SELENOK: variants seen among roughly 807,000 people sequenced by gnomAD.
SELENOK encodes the protein selenoprotein K.
SELENOK carries 11 observed loss-of-function variants against 17.3 expected under a neutral mutation model. The observed-to-expected ratio is 0.63, with a 90% CI of 0.40 to 1.05. The LOEUF (loss-of-function observed/expected upper bound fraction) is 1.05, where lower values mean the gene tolerates loss of function less well. Among genes scored for constraint, SELENOK ranks in the 50% least tolerant of loss-of-function variants. SELENOK has a pLI of 0.00. For missense variants in SELENOK, 125 were observed against 113.9 expected (o/e 1.10, Z -0.44); for synonymous variants, 45 against 35.4 (o/e 1.27, Z -0.97).
intron 2 of SELENOK, among the ~76,000 whole-genome samples, chr3:53,887,322 G>C (rs1001312325): frequency 6.6e-6 from 1 of 152,200 alleles, no homozygotes; most frequent in African/African-American, 2.4e-5. Context: ...CAAAGGCACA[G>C]GGCTTCTGGG....
rs538621896 is a variant in SELENOK at position 53,885,524 on chromosome 3, G to A, written c.*34C>T. The A allele has an allele frequency of 4.6e-5, 73 of 1,602,876 alleles. 1 individual carries two copies. The South Asian group carries it at 5.9e-4, about 13-fold the overall frequency. ...GATGGTTTCCTTCTGCTATGAATGC[G>A]CATGTCCGGTTGTCTGCTTCTTAGA... On this transcript the variant is annotated 3_prime_UTR_variant, in exon 5 of 5. Coordinates refer to ENST00000495461, the MANE Select transcript of SELENOK (RefSeq NM_021237.5).
Position 53,886,947 on chromosome 3 carries a change from G to A in SELENOK, c.111-13C>T, listed in dbSNP as rs565032648. ...CAGAGTTTTGAAACTGAAACAAGGG[G>A]CAGAAAACAACAAAGGTATCACTTT... On this transcript the variant is annotated splice_polypyrimidine_tract_variant and intron_variant, in intron 2 of 4. Coordinates refer to ENST00000495461, the MANE Select transcript of SELENOK (RefSeq NM_021237.5). The A allele has an allele frequency of 3.9e-6, 6 of 1,530,992 alleles. No homozygotes were observed. In the South Asian group the frequency reaches 5.0e-5, roughly 13 times the overall value. The allele number at this position is 1,530,992 out of a possible 1,614,324, so 94.8% of individuals were successfully genotyped here.
chr3:53,889,271 T>C (rs1358441607), intron 1 of SELENOK, among the ~76,000 whole-genome samples: 1 of 152,164 alleles, frequency 6.6e-6, no homozygotes, highest in Non-Finnish European at 1.5e-5. Flanking sequence ...CTGATTCCCA[T>C]TACCTTCTCC....
At position 53,885,779 on chromosome 3, in the gene SELENOK, T is replaced by G. The variant is rs753811635; in HGVS notation, c.281+47A>C. The G allele has an allele frequency of 2.1e-6, 3 of 1,440,030 alleles. No homozygotes were observed. The African/African-American group carries it at 4.2e-5, about 20-fold the overall frequency. 89.2% of individuals were successfully genotyped at this position (1,440,030 alleles called of 1,614,324 possible). ...CTTAAAGAAAACATTACTACAGAAGTGTTTTCAAAACAAAATCCTACAAAA... is the reference window on the plus strand; with the variant it reads ...CTTAAAGAAAACATTACTACAGAAGGGTTTTCAAAACAAAATCCTACAAAA... On this transcript the variant is annotated intron_variant, in intron 4 of 4. Coordinates refer to ENST00000495461, the MANE Select transcript of SELENOK (RefSeq NM_021237.5).
At chr3:53,890,478 C>A (rs924194546) in intron 1 of SELENOK, among the ~76,000 whole-genome samples, 1 of 152,184 alleles carries the variant, frequency 6.6e-6, no homozygotes, top group African/African-American at 2.4e-5. Context: ...TGTTTGAATG[C>A]AGTTGTGTTT....
intron 2 of SELENOK, 122 bp from the exon 3 acceptor site, chr3:53,887,056 A>C: frequency 2.8e-6 from 2 of 708,148 alleles, no homozygotes; most frequent in Non-Finnish European, 2.3e-6. Context: ...CTCCTAACCC[A>C]CATTTCTTGC....
intron 1 of SELENOK, among the ~76,000 whole-genome samples, chr3:53,888,806 C>T (rs2107090882): frequency 6.6e-6 from 1 of 152,282 alleles, no homozygotes; most frequent in African/African-American, 2.4e-5. Context: ...CCTGTAATCC[C>T]AGCACTTTGG....
At position 53,886,835 on chromosome 3, in the gene SELENOK, A is replaced by C; in HGVS notation, c.194+16T>G. On this transcript the variant is annotated intron_variant, in intron 3 of 4. Coordinates refer to ENST00000495461, the MANE Select transcript of SELENOK (RefSeq NM_021237.5). Reference sequence around the variant, plus strand: ...AAAGACATAAAAACAACTATTATCAATTTAAAAAGCTGTACCCTCTTCCAT... The same window carrying C: ...AAAGACATAAAAACAACTATTATCACTTTAAAAAGCTGTACCCTCTTCCAT... 6.8e-7 allele frequency: 1 copy of C among 1,480,082 alleles called. No individual in the cohort carries two copies. 91.7% of individuals were successfully genotyped at this position (1,480,082 alleles called of 1,614,324 possible). A position where few individuals can be genotyped will look rare whatever the true frequency, so the allele number is the denominator to read the frequency against.
At chr3:53,890,238 T>C (rs1700157630) in intron 1 of SELENOK, among the ~76,000 whole-genome samples, 1 of 152,194 alleles carries the variant, frequency 6.6e-6, no homozygotes, top group Non-Finnish European at 1.5e-5. Flanking sequence ...GACATTTTCT[T>C]TCTCCAACAA....
Position 53,886,280 on chromosome 3 carries a change from AG to A in SELENOK, c.195-369del, listed in dbSNP as rs76287251. On this transcript the variant is annotated intron_variant, in intron 3 of 4. Transcript: ENST00000495461. ...TGAGATGGAGTCCCACTCTGTCTCCAGGCTGGAGTGCAGTGGCACGATCTCA... is the reference window on the plus strand; with the variant it reads ...TGAGATGGAGTCCCACTCTGTCTCCAGCTGGAGTGCAGTGGCACGATCTCA... Among the ~76,000 whole-genome samples the A allele has an allele frequency of 1.3e-3, 201 of 152,114 alleles. 4 individuals carry two copies. The East Asian group carries it at 0.032, about 24-fold the overall frequency.
At chr3:53,885,615 G>T in intron 4 of SELENOK, 54 bp from the exon 5 acceptor site, 1 of 1,537,950 alleles carries the variant, frequency 6.5e-7, no homozygotes, top group South Asian at 1.1e-5. Context: ...GGATCTGTGT[G>T]AAAACCTCAA....
At chr3:53,891,224 T>C (rs1466331332) in intron 1 of SELENOK, among the ~76,000 whole-genome samples, 1 of 152,116 alleles carries the variant, frequency 6.6e-6, no homozygotes, top group Admixed American at 6.5e-5. Context: ...AGAGGCAGCA[T>C]AACAGATAAC....
In SELENOK at chr3:53,886,936, T is replaced by C; in HGVS notation, c.111-2A>G. On this transcript the variant is annotated splice_acceptor_variant, in intron 2 of 4. Transcript: ENST00000495461. LOFTEE classifies it high-confidence loss of function. ...TCTTGCTGAAGCAGAGTTTTGAAACTGAAACAAGGGGCAGAAAACAACAAA... is the reference window on the plus strand; with the variant it reads ...TCTTGCTGAAGCAGAGTTTTGAAACCGAAACAAGGGGCAGAAAACAACAAA... The C allele has an allele frequency of 6.4e-7, 1 of 1,552,232 alleles. No individual in the cohort carries two copies. Among genetic ancestry groups the C allele is most frequent in the South Asian group, 1.2e-5 (1 of 81,784 alleles).
At chr3:53,889,104 G>A (rs968415297) in intron 1 of SELENOK, among the ~76,000 whole-genome samples, 1 of 151,934 alleles carries the variant, frequency 6.6e-6, no homozygotes, top group Non-Finnish European at 1.5e-5. Flanking sequence ...AATTTATCAT[G>A]GTTTAAAAAT....
chr3:53,890,926 C>T (rs1700164077), intron 1 of SELENOK: 1 of 152,256 alleles, frequency 6.6e-6, no homozygotes, highest in Admixed American at 6.5e-5. Flanking sequence ...AGAATTTCAC[C>T]TGAGTCAAAC....
intron 2 of SELENOK, among the ~76,000 whole-genome samples, chr3:53,887,457 G>A (rs1700135708): frequency 6.6e-6 from 1 of 152,156 alleles, no homozygotes; most frequent in Admixed American, 6.5e-5. Flanking sequence ...TTAAGTTTTG[G>A]ATTGGGTAAC....
At chr3:53,886,183 G>T (rs1166664158) in intron 3 of SELENOK, among the ~76,000 whole-genome samples, 4 of 152,202 alleles carry the variant, frequency 2.6e-5, no homozygotes, top group Admixed American at 2.6e-4. Flanking sequence ...CCCAGCTCCA[G>T]CTGATTTTTG....
At position 53,886,871 on chromosome 3, in the gene SELENOK, G is replaced by A. The variant is rs774640048; in HGVS notation, c.174C>T (p.Ser58=). Residue 58 remains serine (S), a synonymous_variant, in exon 3 of 5, where the codon TCC becomes TCT. Transcript: ENST00000495461. ...KRRSYGNSSD[S]RYDDGRGPPG... is the part of the protein sequence containing the mutation. ...TGTACCCTCTTCCATCATCATATCT[G>A]GAATCAGATGAGTTTCCATAGCTTC... 6.4e-7 allele frequency: 1 copy of A among 1,566,956 alleles called. No homozygotes were observed. The highest frequency in any genetic ancestry group is 8.7e-7 in the Non-Finnish European group (1 of 1,154,418).
rs748694126 is a variant in SELENOK, at chr3:53,891,777, G to A, written c.12C>T (p.Ile4=). MVY[I]SNGQVLDSRS... is the part of the protein sequence containing the mutation. ...AGCCCGCTCTCAACTTACCGTTCGA[G>A]ATGTAAACCATCTTGTCCCACTTCC... Residue 4 remains isoleucine (I), a synonymous_variant, in exon 1 of 5, where the codon ATC becomes ATT. Coordinates refer to ENST00000495461, the MANE Select transcript of SELENOK (RefSeq NM_021237.5). The A allele has an allele frequency of 6.4e-5, 103 of 1,613,920 alleles. No homozygotes were observed. The East Asian group carries it at 2.3e-3, about 36-fold the overall frequency.
Sources: gnomAD v4.1 joint callset for allele counts (sites outside exome capture counted in the v4.1 genomes callset) on GRCh38, gnomAD v4.1.1 for gene constraint, MANE v1.5 for transcripts, NCBI Gene and HGNC (gene_info 2026-07-23, HGNC 2026-07-21) for gene names.